POLN: variants seen among roughly 807,000 people sequenced by gnomAD.
The protein encoded by POLN is DNA polymerase N.
Under a neutral mutation model 113.5 loss-of-function variants are expected in POLN, and 108 were observed. That is an observed-to-expected ratio of 0.95 (90% CI 0.81 to 1.12). POLN has a LOEUF of 1.12. Ranked by LOEUF, POLN falls within the 50% of genes most tolerant of loss-of-function variation. POLN has a pLI of 0.00. For synonymous variants in POLN, 386 were observed against 391.5 expected (o/e 0.99, Z 0.17); for missense variants, 1,097 against 1,077.1 (o/e 1.02, Z -0.26).
chr4:2,219,787 A>C (rs748212728), intron 3 of POLN, among the ~76,000 whole-genome samples: 4 of 152,116 alleles, frequency 2.6e-5, no homozygotes, highest in African/African-American at 4.8e-5. Flanking sequence ...TGGCAGTTCT[A>C]ATCTTTCTCC....
intron 5 of POLN, among the ~76,000 whole-genome samples, chr4:2,203,141 T>C (rs1223136877): frequency 1.3e-5 from 2 of 152,134 alleles, no homozygotes. Flanking sequence ...TGAACTTATA[T>C]TAAGCACTCT....
chr4:2,232,817 T>C (rs1734632050), intron 2 of POLN, among the ~76,000 whole-genome samples: 1 of 152,172 alleles, frequency 6.6e-6, no homozygotes, highest in Non-Finnish European at 1.5e-5. Flanking sequence ...TTTCCATAGC[T>C]TTCTAATCAA....
At chr4:2,230,635 T>C (rs1560101870) in intron 2 of POLN, 1 of 152,030 alleles carries the variant, frequency 6.6e-6, no homozygotes, top group Non-Finnish European at 1.5e-5. Flanking sequence ...GGTTCATCTG[T>C]CATCTAGGTA....
At position 2,109,620 on chromosome 4, in the gene POLN, T is replaced by A. The variant is rs998321564; in HGVS notation, c.1983-13687A>T. Among the ~76,000 whole-genome samples, 3 of 152,332 alleles carry A rather than the reference T, an allele frequency of 2.0e-5. No individual in the cohort carries two copies. The South Asian group carries it at 6.2e-4, about 32-fold the overall frequency. ...TCTTCTTGATGAATTGGCCCTTTTA[T>A]CATTATGAAATGTCCCTTTTTATCC... On this transcript the variant is annotated intron_variant, in intron 19 of 25. Coordinates refer to ENST00000511885, the MANE Select transcript of POLN (RefSeq NM_181808.4).
In POLN at chr4:2,095,914, G is replaced by A. The variant is rs1730778898; in HGVS notation, c.2002C>T (p.Gln668Ter). Residue 668 changes from glutamine to a stop codon, truncating the protein, a stop_gained, in exon 20 of 26, where the codon CAG (glutamine) becomes TAG (stop). Coordinates refer to ENST00000511885, the MANE Select transcript of POLN (RefSeq NM_181808.4). LOFTEE classifies it high-confidence loss of function. ...TSQWKDVPVE[Q>*]VTHADREQTK... Reference sequence around the variant, plus strand: ...TGCTCTCTGTCTGCGTGTGTCACCTGTTCCACGGGCACATCCTTCCTGCAT... The same window carrying A: ...TGCTCTCTGTCTGCGTGTGTCACCTATTCCACGGGCACATCCTTCCTGCAT... 9 of 1,614,050 alleles carry A rather than the reference G, an allele frequency of 5.6e-6. No individual in the cohort carries two copies. The highest frequency in any genetic ancestry group is 6.8e-6 in the Non-Finnish European group (8 of 1,180,040).
chr4:2,215,471 C>G (rs1291546380), intron 3 of POLN, among the ~76,000 whole-genome samples: 1 of 152,188 alleles, frequency 6.6e-6, no homozygotes, highest in East Asian at 1.9e-4. Context: ...CACTCAAAGG[C>G]CTGCCCTGAG....
intron 2 of POLN, among the ~76,000 whole-genome samples, chr4:2,233,169 C>T (rs1734644363): frequency 6.6e-6 from 1 of 152,170 alleles, no homozygotes; most frequent in African/African-American, 2.4e-5. Flanking sequence ...ATTATATCTA[C>T]ATTTAGTGAT....
At chr4:2,194,992 C>T (rs996893305) in intron 6 of POLN, among the ~76,000 whole-genome samples, 2 of 151,990 alleles carry the variant, frequency 1.3e-5, no homozygotes, top group African/African-American at 4.8e-5. Flanking sequence ...GCTTCCTCCT[C>T]TGTAAAATGG....
chr4:2,213,851 T>C (rs1227312308), intron 3 of POLN, among the ~76,000 whole-genome samples: 1 of 152,220 alleles, frequency 6.6e-6, no homozygotes, highest in African/African-American at 2.4e-5. Flanking sequence ...ACAAAATGTT[T>C]AATTCTTCTA....
At chr4:2,174,824 CTTTTTT>C (rs35293526) in intron 9 of POLN, 73 bp from the exon 10 acceptor site, 11 of 832,256 alleles carry the variant, frequency 1.3e-5, no homozygotes, top group Non-Finnish European at 2.0e-5. Context: ...GAAAAGCCTA[CTTTTTT>C]TTTTTTTTTT....
In POLN at chr4:2,170,674, C is replaced by G; in HGVS notation, c.1554+5G>C. ...AAAAGAAAAAGGATAACTCTGAAAC[C>G]TTACCACTGCTTCTGATGTAGACGG... On this transcript the variant is annotated splice_donor_5th_base_variant and intron_variant, in intron 13 of 25. Transcript: ENST00000511885. 1 of 1,609,734 alleles carries G rather than the reference C, an allele frequency of 6.2e-7. No individual in the cohort carries two copies. Among genetic ancestry groups the G allele is most frequent in the South Asian group, 1.1e-5 (1 of 90,888 alleles).
At chr4:2,240,705 A>G in intron 2 of POLN, 2 of 1,614,038 alleles carry the variant, frequency 1.2e-6, no homozygotes, top group Non-Finnish European at 1.7e-6. Flanking sequence ...ACACGTTTTA[A>G]GAGCTTCATC....
Position 2,179,480 on chromosome 4 carries a change from G to T in POLN, c.1022-15C>A, listed in dbSNP as rs754012554. 2.5e-6 allele frequency: 4 copies of T among 1,609,400 alleles called. No homozygotes were observed. Among genetic ancestry groups the T allele is most frequent in the East Asian group, 2.2e-5 (1 of 44,838 alleles). The stretch of plus-strand genomic sequence containing the variant: ...AAAATCAGCAACTGAAGAGAAAAAG[G>T]TCATTCAGTCATCCCAAGAAAAACC... On this transcript the variant is annotated splice_polypyrimidine_tract_variant and intron_variant, in intron 7 of 25. Coordinates refer to ENST00000511885, the MANE Select transcript of POLN (RefSeq NM_181808.4).
chr4:2,105,187 A>G (rs1471915515), intron 19 of POLN, among the ~76,000 whole-genome samples: 1 of 151,986 alleles, frequency 6.6e-6, no homozygotes, highest in Admixed American at 6.6e-5. Flanking sequence ...CTGGCCCCCA[A>G]TTGCCCCACT....
chr4:2,129,217 A>C lies in POLN; in HGVS notation c.1829T>G (p.Met610Arg). 1.2e-6 allele frequency: 2 copies of C among 1,601,650 alleles called. No homozygotes were observed. The highest frequency in any genetic ancestry group is 1.7e-6 in the Non-Finnish European group (2 of 1,168,798). ...DKILTISPRA[M>R]FVSSKGHTFL... ...GGTGTGGCCTTTGGATGAAACAAAC[A>C]TGGCCCTCGGGGAGATCGTGAGAAT... is the stretch of plus-strand genomic sequence containing the variant. Residue 610 changes from methionine (M) to arginine (R), a missense_variant, in exon 18 of 26, where the codon ATG becomes AGG. Met to Arg is a moderately conservative substitution (Grantham distance 91). Coordinates refer to ENST00000511885, the MANE Select transcript of POLN (RefSeq NM_181808.4).
At chr4:2,099,715 T>C (rs894176243) in intron 19 of POLN, among the ~76,000 whole-genome samples, 33 of 152,186 alleles carry the variant, frequency 2.2e-4, no homozygotes, top group Non-Finnish European at 7.3e-5. Flanking sequence ...GGTTCATTCA[T>C]TGTGACAAAT....
chr4:2,080,185 G>A, intron 23 of POLN: 1 of 986,842 alleles, frequency 1.0e-6, no homozygotes, highest in Non-Finnish European at 1.2e-6. Flanking sequence ...AGAACGAGGA[G>A]AGGAGGTGTC....
intron 19 of POLN, among the ~76,000 whole-genome samples, chr4:2,102,005 G>A (rs1313992697): frequency 6.6e-6 from 1 of 152,152 alleles, no homozygotes; most frequent in African/African-American, 2.4e-5. Flanking sequence ...GGACTGGGGT[G>A]TGAGAGGGAC....
intron 18 of POLN, 119 bp downstream of exon 18, chr4:2,129,060 A>T (rs573698093): frequency 2.0e-6 from 1 of 507,570 alleles, no homozygotes; most frequent in Non-Finnish European, 3.0e-6. Context: ...TTGTCTCAAA[A>T]AAAAAAAAAA....
Sources: gnomAD v4.1 joint callset for allele counts (sites outside exome capture counted in the v4.1 genomes callset) on GRCh38, gnomAD v4.1.1 for gene constraint, MANE v1.5 for transcripts, NCBI Gene and HGNC (gene_info 2026-07-23, HGNC 2026-07-21) for gene names.